The following ELOVL6 variants were observed in gnomAD, a reference collection of about 807,000 sequenced individuals.
The protein encoded by ELOVL6 is ELOVL fatty acid elongase 6, also known as very long chain fatty acid elongase 6.
Under a neutral mutation model 31.7 loss-of-function variants are expected in ELOVL6, and 8 were observed. That is an observed-to-expected ratio of 0.25 (90% CI 0.15 to 0.45). ELOVL6 has a LOEUF of 0.45. Among genes scored for constraint, ELOVL6 ranks in the 20% least tolerant of loss-of-function variants. The pLI, the probability that ELOVL6 is intolerant of heterozygous loss-of-function variation, is 1.00. For synonymous variants in ELOVL6, 101 were observed against 117.7 expected (o/e 0.86, Z 0.92); for missense variants, 126 against 326.4 (o/e 0.39, Z 4.73).
At chr4:110,062,727 C>G (rs1443503846) in intron 2 of ELOVL6, among the ~76,000 whole-genome samples, 1 of 152,186 alleles carries the variant, frequency 6.6e-6, no homozygotes, top group Non-Finnish European at 1.5e-5. Context: ...TTCTGGCCAT[C>G]CCTGGACCAC....
chr4:110,194,360 T>C (rs941948455), intron 1 of ELOVL6, among the ~76,000 whole-genome samples: 4 of 152,238 alleles, frequency 2.6e-5, no homozygotes, highest in African/African-American at 9.6e-5. Context: ...ATTGACCAGA[T>C]AATATAACCA....
chr4:110,173,274 G>A, intron 1 of ELOVL6, among the ~76,000 whole-genome samples: 1 of 152,246 alleles, frequency 6.6e-6, no homozygotes, highest in East Asian at 1.9e-4. Context: ...AAGCAGGTGA[G>A]ATGTGATCCC....
chr4:110,191,868 C>T (rs905234560), intron 1 of ELOVL6, among the ~76,000 whole-genome samples: 1 of 151,974 alleles, frequency 6.6e-6, no homozygotes, highest in Non-Finnish European at 1.5e-5. Context: ...CCTCCGTCCC[C>T]CTCATAACTC....
intron 3 of ELOVL6, among the ~76,000 whole-genome samples, chr4:110,052,738 A>G (rs1754867339): frequency 6.6e-6 from 1 of 152,200 alleles, no homozygotes; most frequent in Non-Finnish European, 1.5e-5. Context: ...AGCCCAGTGA[A>G]AAATATACCC....
At chr4:110,101,560 T>C (rs1286813426) in intron 2 of ELOVL6, among the ~76,000 whole-genome samples, 1 of 152,264 alleles carries the variant, frequency 6.6e-6, no homozygotes, top group Admixed American at 6.5e-5. Flanking sequence ...CACATGATTA[T>C]ATTTGCTTCA....
At chr4:110,143,068 AT>A (rs1758008252) in intron 1 of ELOVL6, among the ~76,000 whole-genome samples, 1 of 152,198 alleles carries the variant, frequency 6.6e-6, no homozygotes, top group South Asian at 2.1e-4. Context: ...CTGGAACATA[AT>A]ACATGTTGAC....
At chr4:110,183,146 CA>C (rs891218903) in intron 1 of ELOVL6, among the ~76,000 whole-genome samples, 8 of 152,120 alleles carry the variant, frequency 5.3e-5, no homozygotes, top group African/African-American at 1.9e-4. Flanking sequence ...AAAAAACACC[CA>C]AAATATGTTT....
At chr4:110,119,026 T>C (rs1231901696) in intron 1 of ELOVL6, among the ~76,000 whole-genome samples, 2 of 152,192 alleles carry the variant, frequency 1.3e-5, no homozygotes, top group Non-Finnish European at 2.9e-5. Context: ...ATCATGCCAC[T>C]GCCCTCCAGC....
At chr4:110,171,509 A>G (rs953672567) in intron 1 of ELOVL6, among the ~76,000 whole-genome samples, 3 of 151,986 alleles carry the variant, frequency 2.0e-5, no homozygotes, top group Non-Finnish European at 4.4e-5. Context: ...TCATACCTAC[A>G]CAATGAAGTC....
chr4:110,159,576 G>A (rs998256691), intron 1 of ELOVL6, among the ~76,000 whole-genome samples: 8 of 151,666 alleles, frequency 5.3e-5, no homozygotes, highest in East Asian at 3.9e-4. Flanking sequence ...GCATATTCAC[G>A]TATCAATAAA....
At chr4:110,056,784 A>T (rs1267649734) in intron 3 of ELOVL6, among the ~76,000 whole-genome samples, 1 of 151,980 alleles carries the variant, frequency 6.6e-6, no homozygotes, top group Non-Finnish European at 1.5e-5. Flanking sequence ...GCAGCACACC[A>T]CTCCTGTTGA....
chr4:110,048,100 C>T lies in ELOVL6; in HGVS notation c.*3238G>A, dbSNP rs1482044013. 1 of 152,082 alleles carries T rather than the reference C, an allele frequency of 6.6e-6. No individual in the cohort carries two copies. The highest frequency in any genetic ancestry group is 1.5e-5 in the Non-Finnish European group (1 of 68,036). The allele number at this position is 152,082 out of a possible 1,614,324, so 9.4% of individuals were successfully genotyped here. A position where few individuals can be genotyped will look rare whatever the true frequency, so the allele number is the denominator to read the frequency against. On this transcript the variant is annotated 3_prime_UTR_variant, in exon 4 of 4. Coordinates refer to ENST00000302274, the MANE Select transcript of ELOVL6 (RefSeq NM_024090.3). Reference sequence around the variant, plus strand: ...GGATATAATCAAGCCTTTCTTTTCCCTCTAGCAATGTACATGTAAAGTATT... The same window carrying T: ...GGATATAATCAAGCCTTTCTTTTCCTTCTAGCAATGTACATGTAAAGTATT...
chr4:110,077,279 A>T (rs1203616898), intron 2 of ELOVL6, among the ~76,000 whole-genome samples: 1 of 152,186 alleles, frequency 6.6e-6, no homozygotes, highest in African/African-American at 2.4e-5. Context: ...CTGAGAATGG[A>T]CAGACTGTCT....
chr4:110,174,109 T>C (rs908976307), intron 1 of ELOVL6, among the ~76,000 whole-genome samples: 1 of 152,022 alleles, frequency 6.6e-6, no homozygotes, highest in African/African-American at 2.4e-5. Context: ...TTTAAAAACT[T>C]TTTTTAAAAA....
intron 2 of ELOVL6, among the ~76,000 whole-genome samples, chr4:110,076,856 C>G (rs1245560071): frequency 6.6e-6 from 1 of 152,206 alleles, no homozygotes; most frequent in Non-Finnish European, 1.5e-5. Flanking sequence ...GGGTGACAGA[C>G]AGCACCTGGA....
intron 2 of ELOVL6, among the ~76,000 whole-genome samples, chr4:110,083,968 A>C (rs1233260892): frequency 0.013 from 1,230 of 96,334 alleles, 138 homozygotes; most frequent in Non-Finnish European, 0.018. Context: ...GATATATATG[A>C]TATAACATAT....
At chr4:110,140,340 C>T (rs1757919295) in intron 1 of ELOVL6, among the ~76,000 whole-genome samples, 1 of 152,164 alleles carries the variant, frequency 6.6e-6, no homozygotes, top group Non-Finnish European at 1.5e-5. Flanking sequence ...AGATCCCTAG[C>T]AGTTTCTATC....
intron 2 of ELOVL6, among the ~76,000 whole-genome samples, chr4:110,084,211 CATATAACTTATATGATATATATAACAT>C (rs1560814571): frequency 3.2e-4 from 18 of 56,930 alleles, no homozygotes; most frequent in African/African-American, 1.8e-3. Context: ...ATATATATAA[CATATAACTTATATGATATATATAACAT>C]ATATGATATA....
intron 2 of ELOVL6, among the ~76,000 whole-genome samples, chr4:110,096,874 TG>T (rs1247136165): frequency 3.9e-5 from 6 of 152,126 alleles, no homozygotes; most frequent in African/African-American, 1.4e-4. Flanking sequence ...GGCAGTTATG[TG>T]AATGTGTGTA....
Sources: gnomAD v4.1 joint callset for allele counts (sites outside exome capture counted in the v4.1 genomes callset) on GRCh38, gnomAD v4.1.1 for gene constraint, MANE v1.5 for transcripts, NCBI Gene and HGNC (gene_info 2026-07-23, HGNC 2026-07-21) for gene names.